The following RHBDF2 variants were observed in gnomAD, a reference collection of about 807,000 sequenced individuals.
RHBDF2 encodes the protein rhomboid 5 homolog 2, also known as inactive rhomboid protein 2.
Under a neutral mutation model 95.2 loss-of-function variants are expected in RHBDF2, and 38 were observed. The observed-to-expected ratio is 0.40, with a 90% CI of 0.31 to 0.52. RHBDF2 has a LOEUF of 0.52. RHBDF2 is among the 20% of genes least tolerant of loss of function. RHBDF2 has a pLI of 0.56. For synonymous variants in RHBDF2, 442 were observed against 462.0 expected, an observed-to-expected ratio of 0.96 and a Z score of 0.55; for missense variants, 863 against 1,137.7, an observed-to-expected ratio of 0.76 and a Z score of 3.47.
Position 76,477,696 on chromosome 17 carries a change from G to T in RHBDF2, c.762C>A (p.Val254=). The part of the protein sequence containing the change: ...AFPSFLEEDV[V]DGADTFDSSF... ...AGGAGTCAAACGTGTCTGCCCCATC[G>T]ACCACATCCTCCTCCAGGAAGCTCG... Residue 254 remains valine, a synonymous_variant, in exon 7 of 19, where the codon GTC becomes GTA. Coordinates refer to ENST00000675367, the MANE Select transcript of RHBDF2 (RefSeq NM_001005498.4). The T allele has an allele frequency of 6.2e-6, 10 of 1,614,014 alleles. No homozygotes were observed. Among genetic ancestry groups the T allele is most frequent in the Non-Finnish European group, 8.5e-6 (10 of 1,179,990 alleles).
chr17:76,474,996 T>A, intron 10 of RHBDF2, 34 bp downstream of exon 10: 1 of 1,532,838 alleles, frequency 6.5e-7, no homozygotes, highest in South Asian at 1.2e-5. Flanking sequence ...TAGGAGAGGC[T>A]GGGACCCCCA....
intron 7 of RHBDF2, 29 bp downstream of exon 7, chr17:76,477,628 A>G: frequency 6.2e-7 from 1 of 1,611,072 alleles, no homozygotes; most frequent in Non-Finnish European, 8.5e-7. Context: ...ACCCCACCCA[A>G]CTCCTGCTGT....
intron 1 of RHBDF2, chr17:76,488,116 T>A (rs2074191588): frequency 1.3e-5 from 2 of 152,258 alleles, no homozygotes; most frequent in Admixed American, 1.3e-4. Context: ...CTAACAACAG[T>A]CCTCTGGTCT....
chr17:76,470,931 G>A lies in RHBDF2; in HGVS notation c.*702C>T, dbSNP rs886053462. ...AATATTATTTAATCCATGAGACATC[G>A]TCCGTACAAAGTTAGCGTTACTTTT... On this transcript the variant is annotated 3_prime_UTR_variant, in exon 19 of 19. Transcript: ENST00000675367. The A allele has an allele frequency of 1.2e-4, 18 of 152,256 alleles. No individual in the cohort carries two copies. Among genetic ancestry groups the A allele is most frequent in the African/African-American group, 3.6e-4 (15 of 41,406 alleles). 9.4% of individuals were successfully genotyped at this position (152,256 alleles called of 1,614,324 possible).
At position 76,479,740 on chromosome 17, in the gene RHBDF2, T is replaced by G. The variant is rs373528770; in HGVS notation, c.265A>C (p.Ile89Leu). Reference sequence around the variant, plus strand: ...GGGTGTAGGGGGGCTCACTTGCGGATGCTCTGGGACAGTGAGGCCTGGCGG... The same window carrying G: ...GGGTGTAGGGGGGCTCACTTGCGGAGGCTCTGGGACAGTGAGGCCTGGCGG... ...FRRQASLSQS[I>L]RKGAAQWFGV... Residue 89 changes from isoleucine to leucine, a missense_variant, in exon 4 of 19, where the codon ATC (isoleucine) becomes CTC (leucine). Ile to Leu is a conservative substitution (Grantham distance 5). This residue lies in a region of RHBDF2 where 611 missense variants were observed against 725.5 expected (regional missense o/e 0.84). Coordinates refer to ENST00000675367, the MANE Select transcript of RHBDF2 (RefSeq NM_001005498.4). 2.5e-5 allele frequency: 40 copies of G among 1,608,356 alleles called. No individual in the cohort carries two copies. The highest frequency in any genetic ancestry group is 3.3e-5 in the Admixed American group (2 of 59,902).
rs1331149151 is a variant in RHBDF2, at chr17:76,471,374, G to C, written c.*259C>G. On this transcript the variant is annotated 3_prime_UTR_variant, in exon 19 of 19. Coordinates refer to ENST00000675367, the MANE Select transcript of RHBDF2 (RefSeq NM_001005498.4). The stretch of plus-strand genomic sequence containing the variant: ...CGGGATATTAGGAACTGAGACCCAA[G>C]ACTCAGAGAGGCAGGTGCCTTGGGT... The C allele has an allele frequency of 1.8e-5, 9 of 504,284 alleles. No individual in the cohort carries two copies. The highest frequency in any genetic ancestry group is 3.2e-5 in the Non-Finnish European group (9 of 285,338). The allele number at this position is 504,284 out of a possible 1,614,324, so 31.2% of individuals were successfully genotyped here.
chr17:76,474,787 A>C lies in RHBDF2; in HGVS notation c.1245T>G (p.Gly415=). The C allele has an allele frequency of 1.9e-6, 3 of 1,614,036 alleles. No individual in the cohort carries two copies. Among genetic ancestry groups the C allele is most frequent in the Non-Finnish European group, 2.5e-6 (3 of 1,179,960 alleles). The change falls in exon 11 of 19, where the codon GGT becomes GGG. Residue 415 remains glycine, a synonymous_variant. Transcript: ENST00000675367. ...VTTQLVLRNK[G]VYESVKYIQQ... ...GGATGTACTTCACGCTCTCGTACAC[A>C]CCTTTGTTCCGCAGCACCTATCGTG...
Position 76,472,806 on chromosome 17 carries a change from T to G in RHBDF2, c.1944A>C (p.Gln648His). Residue 648 changes from glutamine (Q) to histidine (H), a missense_variant, in exon 18 of 19, where the codon CAA (glutamine) becomes CAC (histidine). Gln to His is a conservative substitution (Grantham distance 24). This residue lies in a region of RHBDF2 where 252 missense variants were observed against 412.2 expected (regional missense o/e 0.61). Transcript: ENST00000675367. Reference sequence around the variant, plus strand: ...TCTCCAGGTCCCTCAGGATGGTCATTTGAAAGACCACAGACACGAGGCAGT... The same window carrying G: ...TCTCCAGGTCCCTCAGGATGGTCATGTGAAAGACCACAGACACGAGGCAGT... ...VVHCLVSVVFQMTILRDLEKL... is the reference protein window; with the variant it reads ...VVHCLVSVVFHMTILRDLEKL... The G allele has an allele frequency of 6.2e-7, 1 of 1,604,324 alleles. No homozygotes were observed. The highest frequency in any genetic ancestry group is 8.5e-7 in the Non-Finnish European group (1 of 1,175,404).
At chr17:76,474,864 G>A (rs2073715302) in intron 10 of RHBDF2, 60 bp from the exon 11 acceptor site, 2 of 1,582,820 alleles carry the variant, frequency 1.3e-6, no homozygotes, top group South Asian at 1.1e-5. Context: ...GGCATGGGGA[G>A]CTGGGGCAGC....
chr17:76,478,955 T>C lies in RHBDF2; in HGVS notation c.523A>G (p.Arg175Gly), dbSNP rs529507897. Residue 175 changes from arginine (R) to glycine (G), a missense_variant, in exon 6 of 19, where the codon AGG becomes GGG. Coordinates refer to ENST00000675367, the MANE Select transcript of RHBDF2 (RefSeq NM_001005498.4). ...RAFRHPEEMD[R>G]PHAPHPPLTP... The stretch of plus-strand genomic sequence containing the variant: ...AGCGGTGGGTGCGGGGCGTGGGGCC[T>C]GTCCATCTCCTCCGGGTGGCGGAAG... 7 of 1,594,916 alleles carry C rather than the reference T, an allele frequency of 4.4e-6. No homozygotes were observed. The highest frequency in any genetic ancestry group is 4.0e-5 in the African/African-American group (3 of 74,708).
chr17:76,473,122 G>A lies in RHBDF2; in HGVS notation c.1810-17C>T. The A allele has an allele frequency of 2.5e-6, 4 of 1,607,094 alleles. No homozygotes were observed. The highest frequency in any genetic ancestry group is 3.4e-6 in the Non-Finnish European group (4 of 1,173,744). On this transcript the variant is annotated splice_polypyrimidine_tract_variant and intron_variant, in intron 16 of 18. Coordinates refer to ENST00000675367, the MANE Select transcript of RHBDF2 (RefSeq NM_001005498.4). ...GCAGTGCACCTGGGAGTGGGCATATGGTGCTCAGCGCCCCAGAAGCAGGCT... is the reference window on the plus strand; with the variant it reads ...GCAGTGCACCTGGGAGTGGGCATATAGTGCTCAGCGCCCCAGAAGCAGGCT...
intron 1 of RHBDF2, among the ~76,000 whole-genome samples, chr17:76,494,844 G>A (rs529527029): frequency 1.3e-5 from 2 of 152,362 alleles, no homozygotes; most frequent in South Asian, 4.1e-4. Flanking sequence ...CCACATCCCA[G>A]GGAAGAGGCA....
Position 76,471,797 on chromosome 17 carries a change from C to T in RHBDF2, c.2320G>A (p.Ala774Thr). Residue 774 changes from alanine to threonine, a missense_variant, in exon 19 of 19, where the codon GCA becomes ACA. By Grantham distance (58) the Ala-to-Thr change is moderately conservative. Coordinates refer to ENST00000675367, the MANE Select transcript of RHBDF2 (RefSeq NM_001005498.4). Reference sequence around the variant, plus strand: ...GCCAGCAGTGACACCAGGATGAGTGCCCGCTTGCGGTACTTGTCGCTGGTG... The same window carrying T: ...GCCAGCAGTGACACCAGGATGAGTGTCCGCTTGCGGTACTTGTCGCTGGTG... Reference protein sequence around the residue: ...FGTSDKYRKRALILVSLLAFA... With the variant: ...FGTSDKYRKRTLILVSLLAFA... The T allele has an allele frequency of 6.2e-7, 1 of 1,605,546 alleles. No individual in the cohort carries two copies. The highest frequency in any genetic ancestry group is 8.5e-7 in the Non-Finnish European group (1 of 1,176,104).
intron 1 of RHBDF2, among the ~76,000 whole-genome samples, chr17:76,495,081 A>G (rs1010202313): frequency 6.6e-6 from 1 of 152,146 alleles, no homozygotes; most frequent in Non-Finnish European, 1.5e-5. Flanking sequence ...ACAGCAACAC[A>G]GGCTCGGTGG....
chr17:76,484,290 A>AC lies in RHBDF2; in HGVS notation c.-21-2746dup, dbSNP rs538964605. Among the ~76,000 whole-genome samples the AC allele has an allele frequency of 3.7e-3, 560 of 150,146 alleles. 1 individual carries two copies. Among genetic ancestry groups the AC allele is most frequent in the Non-Finnish European group, 5.7e-3 (388 of 67,526 alleles). Reference sequence around the variant, plus strand: ...AAAATAAAAATAAAAATAAAAATAAACCCCCCCAGCTGTTTCCTCTCCTTC... The same window carrying AC: ...AAAATAAAAATAAAAATAAAAATAAACCCCCCCCAGCTGTTTCCTCTCCTTC... On this transcript the variant is annotated intron_variant, in intron 2 of 18. Transcript: ENST00000675367.
rs772937305 is a variant in RHBDF2 at position 76,473,606 on chromosome 17, G to A, written c.1733+42C>T. 6.6e-6 allele frequency: 10 copies of A among 1,518,796 alleles called. No individual in the cohort carries two copies. The East Asian group carries it at 2.4e-4, about 36-fold the overall frequency. 94.1% of individuals were successfully genotyped at this position (1,518,796 alleles called of 1,614,324 possible). A position where few individuals can be genotyped will look rare whatever the true frequency, so the allele number is the denominator to read the frequency against. ...GGGCCCACAGGAAGCCGCAGCTCGG[G>A]GGGGCAGTGGGATGGCTGAGGCCAG... On this transcript the variant is annotated intron_variant, in intron 15 of 18. Transcript: ENST00000675367.
chr17:76,498,934 T>C (rs2074507831), intron 1 of RHBDF2, among the ~76,000 whole-genome samples: 1 of 151,754 alleles, frequency 6.6e-6, no homozygotes, highest in Non-Finnish European at 1.5e-5. Context: ...ACTGAGGGTT[T>C]GTTCGTGGGG....
At chr17:76,491,313 G>A (rs2074293074) in intron 1 of RHBDF2, among the ~76,000 whole-genome samples, 1 of 152,190 alleles carries the variant, frequency 6.6e-6, no homozygotes, top group African/African-American at 2.4e-5. Flanking sequence ...CATCCCAGCT[G>A]AGACCCCTGC....
Position 76,473,639 on chromosome 17 carries a change from G to T in RHBDF2, c.1733+9C>A, listed in dbSNP as rs2073663759. 2.5e-6 allele frequency: 4 copies of T among 1,597,294 alleles called. No individual in the cohort carries two copies. The highest frequency in any genetic ancestry group is 3.4e-6 in the Non-Finnish European group (4 of 1,172,616). Reference sequence around the variant, plus strand: ...TGGGATGGCTGAGGCCAGGGCCCAGGTCGCTCACCTGCCCTTGGTGCCGAT... The same window carrying T: ...TGGGATGGCTGAGGCCAGGGCCCAGTTCGCTCACCTGCCCTTGGTGCCGAT... On this transcript the variant is annotated intron_variant, in intron 15 of 18. Transcript: ENST00000675367.
Sources: allele counts gnomAD v4.1 joint callset (sites outside exome capture counted in the v4.1 genomes callset), GRCh38; gene constraint gnomAD v4.1.1; regional missense constraint gnomAD v4.1.1; transcripts MANE v1.5; gene names NCBI Gene and HGNC (gene_info 2026-07-23, HGNC 2026-07-21).